Variants in SYT14 observed in about 807,000 individuals in gnomAD.
SYT14 encodes the protein synaptotagmin 14, also known as synaptotagmin-14.
SYT14 carries 32 observed loss-of-function variants against 74.2 expected under a neutral mutation model. That is an observed-to-expected ratio of 0.43 (90% CI 0.33 to 0.58). The LOEUF is 0.58. Ranked by LOEUF, SYT14 falls within the 20% of genes least tolerant of loss-of-function variation. The pLI, the probability that SYT14 is intolerant of heterozygous loss-of-function variation, is 0.05. For synonymous variants in SYT14, 298 were observed against 337.7 expected (o/e 0.88, Z 1.29); for missense variants, 791 against 981.8 (o/e 0.81, Z 2.60).
chr1:210,101,512 C>T (rs1377428912), intron 7 of SYT14, among the ~76,000 whole-genome samples: 2 of 151,926 alleles, frequency 1.3e-5, no homozygotes, highest in Non-Finnish European at 2.9e-5. Context: ...TCTTTAAGTA[C>T]AAAATGATGA....
chr1:210,147,773 G>A (rs773778578), intron 7 of SYT14, among the ~76,000 whole-genome samples: 4 of 152,052 alleles, frequency 2.6e-5, no homozygotes, highest in Non-Finnish European at 4.4e-5. Context: ...AATTAAGAGT[G>A]CTAGTGAGAA....
exon 4 of SYT14, chr1:210,016,874 A>G (rs942820863): frequency 1.6e-6 from 2 of 1,231,724 alleles, no homozygotes; most frequent in African/African-American, 3.1e-5. Context: ...TTTGACAAGC[A>G]ATAGGCATAT....
At chr1:209,941,055 G>A (rs893643722) in intron 1 of SYT14, among the ~76,000 whole-genome samples, 3 of 152,134 alleles carry the variant, frequency 2.0e-5, no homozygotes, top group Non-Finnish European at 2.9e-5. Context: ...TGAACAGATC[G>A]TTTATATCTG....
exon 9 of SYT14, chr1:210,159,458 A>G (rs778021553): frequency 1.3e-6 from 2 of 1,551,462 alleles, no homozygotes; most frequent in Non-Finnish European, 1.7e-6. Context: ...TGATAGGTGG[A>G]CAGGTTTATA....
chr1:209,939,063 C>T (rs181274094), intron 1 of SYT14, among the ~76,000 whole-genome samples: 145 of 152,290 alleles, frequency 9.5e-4, no homozygotes, highest in Non-Finnish European at 1.8e-3. Flanking sequence ...AGGTAGTTGA[C>T]ACTAAAGTGT....
intron 5 of SYT14, among the ~76,000 whole-genome samples, chr1:210,039,935 G>A (rs1010742987): frequency 5.3e-5 from 8 of 152,140 alleles, no homozygotes; most frequent in African/African-American, 1.7e-4. Context: ...GTTGGTGGGA[G>A]TGTAAATGCG....
chr1:210,142,965 A>G (rs1241502837), intron 7 of SYT14, among the ~76,000 whole-genome samples: 1 of 152,210 alleles, frequency 6.6e-6, no homozygotes. Flanking sequence ...ACGGAGAAAA[A>G]TGAGACTTTC....
chr1:210,040,369 G>C (rs1362591958), intron 5 of SYT14, among the ~76,000 whole-genome samples: 3 of 152,056 alleles, frequency 2.0e-5, no homozygotes, highest in East Asian at 1.9e-4. Flanking sequence ...GATCTGTCGG[G>C]GGGTGAGGGG....
intron 2 of SYT14, among the ~76,000 whole-genome samples, chr1:209,963,575 G>T (rs2079109660): frequency 6.6e-6 from 1 of 152,028 alleles, no homozygotes; most frequent in South Asian, 2.1e-4. Context: ...TTAATTTTCT[G>T]GTTATTTATT....
intron 9 of SYT14, among the ~76,000 whole-genome samples, chr1:210,159,899 A>G (rs1306351744): frequency 6.6e-6 from 1 of 152,204 alleles, no homozygotes; most frequent in African/African-American, 2.4e-5. Flanking sequence ...CCAAATAATC[A>G]GGCAATGAAC....
At chr1:210,047,778 A>G (rs2080913208) in intron 5 of SYT14, among the ~76,000 whole-genome samples, 2 of 152,260 alleles carry the variant, frequency 1.3e-5, no homozygotes, top group African/African-American at 2.4e-5. Flanking sequence ...TTAAGATACT[A>G]TAATTGGCAA....
intron 2 of SYT14, among the ~76,000 whole-genome samples, chr1:209,985,434 T>C (rs1558111238): frequency 6.6e-6 from 1 of 152,248 alleles, no homozygotes; most frequent in Non-Finnish European, 1.5e-5. Context: ...GGGCTCCCAA[T>C]GCCTTCGGCC....
At chr1:210,100,556 C>A in intron 7 of SYT14, 95 bp downstream of exon 6, 1 of 1,275,762 alleles carries the variant, frequency 7.8e-7, no homozygotes, top group Non-Finnish European at 1.1e-6. Flanking sequence ...ACAAGTTTGT[C>A]AGTCTATTTT....
chr1:210,155,410 CAAT>C (rs2083248652), intron 7 of SYT14, among the ~76,000 whole-genome samples: 1 of 152,126 alleles, frequency 6.6e-6, no homozygotes. Flanking sequence ...AATCTTTAAA[CAAT>C]AATTTCTCAT....
intron 4 of SYT14, 88 bp from the exon 4 acceptor site, chr1:210,020,951 A>G: frequency 9.2e-7 from 1 of 1,087,202 alleles, no homozygotes; most frequent in Non-Finnish European, 1.4e-6. Context: ...TTGTGTAAAA[A>G]TTATCATTTG....
chr1:209,947,177 C>T (rs2078836433), intron 1 of SYT14, among the ~76,000 whole-genome samples: 1 of 152,150 alleles, frequency 6.6e-6, no homozygotes, highest in Non-Finnish European at 1.5e-5. Context: ...TTCATGCCTG[C>T]TAATACAACA....
At chr1:209,966,454 A>T (rs889354336) in intron 2 of SYT14, among the ~76,000 whole-genome samples, 4 of 152,260 alleles carry the variant, frequency 2.6e-5, no homozygotes, top group Non-Finnish European at 5.9e-5. Context: ...TTTTAATATT[A>T]TTGAGTCTAC....
At chr1:210,072,814 A>G (rs1243411714) in intron 5 of SYT14, among the ~76,000 whole-genome samples, 4 of 152,004 alleles carry the variant, frequency 2.6e-5, no homozygotes, top group Non-Finnish European at 5.9e-5. Flanking sequence ...TACAGTAGTT[A>G]AAATTCTTAT....
intron 7 of SYT14, among the ~76,000 whole-genome samples, chr1:210,145,585 G>C (rs983927271): frequency 1.3e-5 from 2 of 151,444 alleles, no homozygotes; most frequent in African/African-American, 4.8e-5. Flanking sequence ...GACAGACAAA[G>C]CAACAGTTAC....
Sources: allele counts gnomAD v4.1 joint callset (sites outside exome capture counted in the v4.1 genomes callset), GRCh38; gene constraint gnomAD v4.1.1; transcripts MANE v1.5; gene names NCBI Gene and HGNC (gene_info 2026-07-23, HGNC 2026-07-21).